The following NBEA variants were observed in gnomAD, a reference collection of about 807,000 sequenced individuals.
The protein encoded by NBEA is neurobeachin, also known as lysosomal-trafficking regulator 2.
NBEA carries 44 observed loss-of-function variants against 343.4 expected under a neutral mutation model. That is an observed-to-expected ratio of 0.13 (90% CI 0.10 to 0.16). NBEA has a LOEUF of 0.16. NBEA is among the 10% of genes least tolerant of loss of function. NBEA has a pLI of 1.00. For missense variants in NBEA, 2,555 were observed against 3,631.3 expected (o/e 0.70, Z 7.62); for synonymous variants, 1,175 against 1,238.7 (o/e 0.95, Z 1.08).
intron 41 of NBEA, among the ~76,000 whole-genome samples, chr13:35,539,758 T>C (rs2153004268): frequency 6.7e-6 from 1 of 149,324 alleles, no homozygotes; most frequent in South Asian, 2.1e-4. Context: ...CTACTAAAAA[T>C]ACAAAAAATT....
chr13:35,636,956 A>C (rs139590191), intron 49 of NBEA, among the ~76,000 whole-genome samples: 35 of 152,350 alleles, frequency 2.3e-4, no homozygotes, highest in African/African-American at 8.4e-4. Context: ...AGCCTTTCCT[A>C]TCTGCTTACA....
intron 41 of NBEA, among the ~76,000 whole-genome samples, chr13:35,484,451 A>C (rs1161383407): frequency 2.0e-5 from 3 of 151,856 alleles, no homozygotes; most frequent in African/African-American, 7.3e-5. Context: ...TGGCAATTTC[A>C]GTTCTTCATT....
At chr13:35,029,392 G>T (rs1349035333) in intron 1 of NBEA, among the ~76,000 whole-genome samples, 2 of 151,456 alleles carry the variant, frequency 1.3e-5, no homozygotes, top group Non-Finnish European at 3.0e-5. Context: ...CAAATCCAGA[G>T]TTTGAGAGGG....
chr13:35,449,457 A>G (rs892439169), intron 39 of NBEA, among the ~76,000 whole-genome samples: 6 of 152,184 alleles, frequency 3.9e-5, no homozygotes, highest in Non-Finnish European at 8.8e-5. Flanking sequence ...GCAAGAGACA[A>G]TTAGCTCAGT....
At chr13:35,136,094 A>G (rs74048913) in intron 17 of NBEA, among the ~76,000 whole-genome samples, 4,316 of 152,244 alleles carry the variant, frequency 0.028, 94 homozygotes, top group South Asian at 0.075. Flanking sequence ...CAACAAATTC[A>G]AATGTAACCA....
chr13:35,153,957 T>C (rs2068972885), intron 18 of NBEA, among the ~76,000 whole-genome samples: 1 of 152,236 alleles, frequency 6.6e-6, no homozygotes, highest in Admixed American at 6.5e-5. Flanking sequence ...TTCTTTAGTA[T>C]ATGGTTTTCA....
intron 34 of NBEA, among the ~76,000 whole-genome samples, chr13:35,257,874 A>G (rs765009511): frequency 6.6e-6 from 1 of 152,050 alleles, no homozygotes. Context: ...TTTTTTTCTT[A>G]CTTGAGTGAA....
intron 34 of NBEA, among the ~76,000 whole-genome samples, chr13:35,288,115 C>T (rs1014914432): frequency 2.0e-5 from 3 of 151,890 alleles, no homozygotes; most frequent in Non-Finnish European, 4.4e-5. Flanking sequence ...TTGCCACATA[C>T]AAAAAGGATA....
intron 1 of NBEA, among the ~76,000 whole-genome samples, chr13:34,975,331 G>C (rs1334928314): frequency 6.6e-6 from 1 of 152,078 alleles, no homozygotes; most frequent in Non-Finnish European, 1.5e-5. Flanking sequence ...GCTGATCTTC[G>C]ACAAAGCAAA....
At chr13:35,219,761 G>T (rs181380901) in intron 33 of NBEA, among the ~76,000 whole-genome samples, 1 of 152,034 alleles carries the variant, frequency 6.6e-6, no homozygotes, top group African/African-American at 2.4e-5. Context: ...CGATGTTTCC[G>T]TCTGAGTCCA....
chr13:35,085,005 C>T (rs965969026), intron 10 of NBEA, among the ~76,000 whole-genome samples: 6 of 152,166 alleles, frequency 3.9e-5, no homozygotes, highest in Non-Finnish European at 8.8e-5. Flanking sequence ...AATTCCTCGA[C>T]ACATACACCC....
intron 36 of NBEA, among the ~76,000 whole-genome samples, chr13:35,343,088 A>C (rs1283095062): frequency 6.6e-6 from 1 of 152,096 alleles, no homozygotes; most frequent in African/African-American, 2.4e-5. Flanking sequence ...TAATCAAAAA[A>C]CTAAGCTGAC....
chr13:35,261,674 C>T (rs1214757402), intron 34 of NBEA, among the ~76,000 whole-genome samples: 1 of 151,952 alleles, frequency 6.6e-6, no homozygotes, highest in Non-Finnish European at 1.5e-5. Flanking sequence ...TAGCAGTGAA[C>T]TCGGAGATGT....
intron 49 of NBEA, among the ~76,000 whole-genome samples, chr13:35,633,436 G>A (rs985420964): frequency 1.3e-5 from 2 of 150,462 alleles, no homozygotes; most frequent in South Asian, 2.1e-4. Context: ...GATAGCTCAC[G>A]CCTGTAATCC....
At chr13:35,273,001 A>C (rs150808536) in intron 34 of NBEA, among the ~76,000 whole-genome samples, 60 of 152,312 alleles carry the variant, frequency 3.9e-4, no homozygotes, top group African/African-American at 1.4e-3. Flanking sequence ...CACCAAGCAG[A>C]CCTAATAGAC....
intron 11 of NBEA, among the ~76,000 whole-genome samples, chr13:35,098,678 AGTAC>A (rs1345026720): frequency 3.3e-5 from 5 of 152,212 alleles, no homozygotes; most frequent in Non-Finnish European, 1.5e-5. Context: ...TTTTCTAAGT[AGTAC>A]CCCCTTTATT....
At chr13:35,316,048 A>G (rs1459355787) in intron 36 of NBEA, among the ~76,000 whole-genome samples, 1 of 151,984 alleles carries the variant, frequency 6.6e-6, no homozygotes, top group Non-Finnish European at 1.5e-5. Flanking sequence ...TTTCTTTTCC[A>G]TGTGTTTTCT....
At chr13:35,635,401 C>T (rs1214793871) in intron 49 of NBEA, among the ~76,000 whole-genome samples, 1 of 152,160 alleles carries the variant, frequency 6.6e-6, no homozygotes. Flanking sequence ...GAAGTGATTG[C>T]AACAAATGAT....
rs998167861 is a variant in NBEA, at chr13:35,083,377, C to A, written c.1571+12525C>A. On this transcript the variant is annotated intron_variant, in intron 10 of 58. Transcript: ENST00000379939. ...GATGCCTCCAGGGTCGGGTTACCCA[C>A]AAAGGGAAGCCCATCAGACTAACAG... is the stretch of plus-strand genomic sequence containing the variant. Among the ~76,000 whole-genome samples the A allele has an allele frequency of 2.0e-5, 3 of 152,204 alleles. No homozygotes were observed. The East Asian group carries it at 5.8e-4, about 29-fold the overall frequency.
Sources: gnomAD v4.1 joint callset for allele counts (sites outside exome capture counted in the v4.1 genomes callset) on GRCh38, gnomAD v4.1.1 for gene constraint, MANE v1.5 for transcripts, NCBI Gene and HGNC (gene_info 2026-07-23, HGNC 2026-07-21) for gene names.